DOCK7: variants seen among roughly 807,000 people sequenced by gnomAD.
DOCK7 encodes dedicator of cytokinesis 7.
In DOCK7, 138 loss-of-function variants were observed where a neutral mutation model predicts 271.0. The ratio of observed to expected loss-of-function variants is 0.51; its 90% CI spans 0.44 to 0.59. DOCK7 has a LOEUF of 0.59. Among genes scored for constraint, DOCK7 ranks in the 20% least tolerant of loss-of-function variants. DOCK7 has a pLI of 0.00. For synonymous variants in DOCK7, 823 were observed against 876.1 expected (o/e 0.94, Z 1.07); for missense variants, 2,066 against 2,592.4 (o/e 0.80, Z 4.41).
At chr1:62,608,484 T>C (rs1311533363) in intron 14 of DOCK7, 4 of 152,206 alleles carry the variant, frequency 2.6e-5, no homozygotes, top group Admixed American at 2.6e-4. Context: ...ACAAATATTC[T>C]AGTAAATGGC....
rs1034358359 is a variant in DOCK7, at chr1:62,492,859, A to C, written c.5218-12T>G. 1 of 1,599,760 alleles carries C rather than the reference A, an allele frequency of 6.3e-7. No homozygotes were observed. Among genetic ancestry groups the C allele is most frequent in the African/African-American group, 1.3e-5 (1 of 74,108 alleles). The stretch of plus-strand genomic sequence containing the variant: ...TTAGATGAAATATTCTAGGGAAAAA[A>C]TATATTGAAAAGGTTTTTGAAACAG... On this transcript the variant is annotated splice_polypyrimidine_tract_variant and intron_variant, in intron 40 of 49. Coordinates refer to ENST00000635253, the MANE Select transcript of DOCK7 (RefSeq NM_001367561.1).
chr1:62,634,681 G>A (rs1655037111), intron 9 of DOCK7, 92 bp downstream of exon 9: 14 of 1,308,424 alleles, frequency 1.1e-5, no homozygotes, highest in South Asian at 1.4e-5. Context: ...AATATGTAAA[G>A]GTCAAATCTT....
Position 62,504,731 on chromosome 1 carries a change from G to C in DOCK7, c.4663C>G (p.Leu1555Val). ...CTGCTACAGTGTCGGAGAAGCCTGA[G>C]GCATAAATCAGCACACTGCTCTGTC... ...EETEQCADLC[L>V]RLLRHCSSSI... Residue 1555 changes from leucine to valine, a missense_variant, in exon 37 of 50, where the codon CTC (leucine) becomes GTC (valine). This residue lies in a region of DOCK7 where 652 missense variants were observed against 922.1 expected (regional missense o/e 0.71). Coordinates refer to ENST00000635253, the MANE Select transcript of DOCK7 (RefSeq NM_001367561.1). The C allele has an allele frequency of 6.2e-7, 1 of 1,614,108 alleles. No homozygotes were observed. Among genetic ancestry groups the C allele is most frequent in the Non-Finnish European group, 8.5e-7 (1 of 1,180,008 alleles).
At chr1:62,528,126 A>G in intron 31 of DOCK7, 25 bp downstream of exon 31, 1 of 1,583,310 alleles carries the variant, frequency 6.3e-7, no homozygotes, top group Non-Finnish European at 8.6e-7. Context: ...TAGAAAAAAA[A>G]ATTCTGTAGG....
intron 41 of DOCK7, among the ~76,000 whole-genome samples, chr1:62,490,229 C>T (rs1646422748): frequency 6.6e-6 from 1 of 151,832 alleles, no homozygotes; most frequent in African/African-American, 2.4e-5. Context: ...CACCACCATG[C>T]CCAGCTAATT....
chr1:62,593,955 C>G (rs932430299), intron 14 of DOCK7, among the ~76,000 whole-genome samples: 3 of 152,042 alleles, frequency 2.0e-5, no homozygotes, highest in African/African-American at 7.2e-5. Flanking sequence ...ATTACACAAC[C>G]TCGTGTAGGA....
intron 14 of DOCK7, chr1:62,604,063 A>G (rs1039212556): frequency 6.2e-7 from 1 of 1,613,210 alleles, no homozygotes; most frequent in Admixed American, 1.7e-5. Context: ...AAGACAACAA[A>G]CATTATATTG....
intron 18 of DOCK7, among the ~76,000 whole-genome samples, chr1:62,562,585 A>G (rs1387703829): frequency 2.6e-5 from 4 of 152,180 alleles, no homozygotes; most frequent in African/African-American, 9.7e-5. Flanking sequence ...TTTTAAAAGT[A>G]CATAAATTCT....
At chr1:62,469,421 A>C (rs1645766597) in intron 48 of DOCK7, among the ~76,000 whole-genome samples, 1 of 152,254 alleles carries the variant, frequency 6.6e-6, no homozygotes, top group East Asian at 1.9e-4. Flanking sequence ...AATCAACTCA[A>C]GATGGATCAA....
At chr1:62,516,524 A>C (rs1394034048) in intron 31 of DOCK7, among the ~76,000 whole-genome samples, 2 of 152,216 alleles carry the variant, frequency 1.3e-5, no homozygotes, top group African/African-American at 4.8e-5. Context: ...TGACCTCTAG[A>C]AAACAGAAAG....
chr1:62,555,265 G>A (rs893828252), intron 21 of DOCK7: 2 of 152,228 alleles, frequency 1.3e-5, no homozygotes, highest in African/African-American at 4.8e-5. Context: ...ATCACTGTAG[G>A]TTTCAAAGGG....
At chr1:62,493,570 C>T (rs148388304) in intron 40 of DOCK7, among the ~76,000 whole-genome samples, 71 of 152,148 alleles carry the variant, frequency 4.7e-4, no homozygotes, top group African/African-American at 1.5e-3. Context: ...GTTTCCCCTC[C>T]CCCAATCTAT....
At position 62,674,772 on chromosome 1, in the gene DOCK7, C is replaced by A. The variant is rs540928138; in HGVS notation, c.39-11642G>T. The stretch of plus-strand genomic sequence containing the variant: ...CCCACACACTAAAGATAAATTTAGA[C>A]CTTTATCTCAAACCATGCATAAAAA... On this transcript the variant is annotated intron_variant, in intron 1 of 49. Coordinates refer to ENST00000635253, the MANE Select transcript of DOCK7 (RefSeq NM_001367561.1). Among the ~76,000 whole-genome samples the A allele has an allele frequency of 2.1e-3, 316 of 152,238 alleles. 2 individuals are homozygous for A. Among genetic ancestry groups the A allele is most frequent in the African/African-American group, 7.2e-3 (301 of 41,530 alleles).
chr1:62,601,276 G>C, intron 14 of DOCK7: 1 of 989,040 alleles, frequency 1.0e-6, no homozygotes, highest in Non-Finnish European at 1.6e-6. Context: ...TAGACTAAAA[G>C]ATAGTTAAGA....
intron 4 of DOCK7, among the ~76,000 whole-genome samples, chr1:62,650,208 C>T (rs1306735255): frequency 6.6e-6 from 1 of 152,032 alleles, no homozygotes; most frequent in Non-Finnish European, 1.5e-5. Flanking sequence ...CTATATTTAC[C>T]TGTGTTGGTT....
intron 14 of DOCK7, among the ~76,000 whole-genome samples, chr1:62,610,329 GAAAA>G (rs199624755): frequency 6.7e-6 from 1 of 149,556 alleles, no homozygotes; most frequent in African/African-American, 2.5e-5. Flanking sequence ...CACTTGAATA[GAAAA>G]AAAAATGCTC....
chr1:62,503,284 A>C (rs571962963), intron 37 of DOCK7, among the ~76,000 whole-genome samples: 2 of 152,164 alleles, frequency 1.3e-5, no homozygotes, highest in East Asian at 3.9e-4. Context: ...ATATTCTGAA[A>C]ACAGAACTAC....
chr1:62,681,139 T>C (rs1661076761), intron 1 of DOCK7, among the ~76,000 whole-genome samples: 1 of 152,138 alleles, frequency 6.6e-6, no homozygotes, highest in East Asian at 1.9e-4. Context: ...CCAACCCAAA[T>C]GTCCATCAAT....
chr1:62,608,348 C>T (rs1488736936), intron 14 of DOCK7: 1 of 152,156 alleles, frequency 6.6e-6, no homozygotes, highest in African/African-American at 2.4e-5. Context: ...CTCATCAAAA[C>T]GATCTACTTT....
Sources: allele counts gnomAD v4.1 joint callset (sites outside exome capture counted in the v4.1 genomes callset), GRCh38; gene constraint gnomAD v4.1.1; regional missense constraint gnomAD v4.1.1; transcripts MANE v1.5; gene names NCBI Gene and HGNC (gene_info 2026-07-23, HGNC 2026-07-21).